PCDHGA10: variants seen among roughly 807,000 people sequenced by gnomAD.
PCDHGA10 encodes the protein protocadherin gamma subfamily A, 10.
Under a neutral mutation model 59.5 loss-of-function variants are expected in PCDHGA10, and 42 were observed. That is an observed-to-expected ratio of 0.71 (90% CI 0.55 to 0.91). PCDHGA10 has a LOEUF of 0.91. PCDHGA10 is among the 40% of genes least tolerant of loss of function. The pLI, the probability that PCDHGA10 is intolerant of heterozygous loss-of-function variation, is 0.00. For missense variants in PCDHGA10, 1,111 were observed against 1,198.2 expected, an observed-to-expected ratio of 0.93 and a Z score of 1.07; for synonymous variants, 511 against 517.2, an observed-to-expected ratio of 0.99 and a Z score of 0.16.
At position 141,491,267 on chromosome 5, in the gene PCDHGA10, A is replaced by C. The variant is rs1376540913; in HGVS notation, c.2437-3540A>C. ...GATGAGGACCCTGAGGAAATGCCCA[A>C]ATCCAGTGACTTCCTCATACACCCT... On this transcript the variant is annotated intron_variant, in intron 1 of 3. Coordinates refer to ENST00000398610, the MANE Select transcript of PCDHGA10 (RefSeq NM_018913.3). This position sits in a 1 kb window ranked among gnomAD's most constrained non-coding sequence, Gnocchi z 6.9. The C allele has an allele frequency of 2.5e-6, 4 of 1,613,944 alleles. No individual in the cohort carries two copies. The highest frequency in any genetic ancestry group is 3.4e-6 in the Non-Finnish European group (4 of 1,179,936).
At chr5:141,428,147 G>A (rs771536400) in intron 1 of PCDHGA10, 2 of 1,589,610 alleles carry the variant, frequency 1.3e-6, no homozygotes, top group Admixed American at 1.7e-5. Context: ...GGCTGCACAC[G>A]GGAACCTGCT....
chr5:141,460,624 T>TA (rs1464862917), intron 1 of PCDHGA10, among the ~76,000 whole-genome samples: 2 of 152,128 alleles, frequency 1.3e-5, no homozygotes, highest in African/African-American at 4.8e-5. Context: ...GATAGACAGA[T>TA]ACAGATATAT....
At chr5:141,456,635 A>G (rs558958846) in intron 1 of PCDHGA10, among the ~76,000 whole-genome samples, 17 of 152,194 alleles carry the variant, frequency 1.1e-4, no homozygotes, top group Non-Finnish European at 2.2e-4. Context: ...CTTCTTTACT[A>G]CAGGTGTTAA....
At position 141,476,311 on chromosome 5, in the gene PCDHGA10, G is replaced by C. The variant is rs772962568; in HGVS notation, c.2437-18496G>C. ...ATCTCGGTAGCCTCTCAGCCCGCAGGTTCCGGGTGGTGTCTGGAGCTAGCC... is the reference window on the plus strand; with the variant it reads ...ATCTCGGTAGCCTCTCAGCCCGCAGCTTCCGGGTGGTGTCTGGAGCTAGCC... On this transcript the variant is annotated intron_variant, in intron 1 of 3. Transcript: ENST00000398610. The surrounding 1 kb of genome is among the most constrained non-coding windows in gnomAD (Gnocchi z 7.6). 18 of 1,613,680 alleles carry C rather than the reference G, an allele frequency of 1.1e-5. No homozygotes were observed. Among genetic ancestry groups the C allele is most frequent in the African/African-American group, 2.7e-5 (2 of 74,766 alleles).
chr5:141,470,748 A>C (rs1163686396), intron 1 of PCDHGA10, among the ~76,000 whole-genome samples: 1 of 152,106 alleles, frequency 6.6e-6, no homozygotes. Flanking sequence ...CCCTGGCTGG[A>C]GTGCAGTGGA....
At chr5:141,478,050 C>G (rs2099429383) in intron 1 of PCDHGA10, 2 of 1,614,184 alleles carry the variant, frequency 1.2e-6, no homozygotes, top group South Asian at 2.2e-5. Context: ...CAGACTCTCA[C>G]GGTCTTGATC....
chr5:141,489,837 G>A lies in PCDHGA10; in HGVS notation c.2437-4970G>A. 6.2e-7 allele frequency: 1 copy of A among 1,614,204 alleles called. No individual in the cohort carries two copies. ...TCCCAGAGCTGGTGCTAGAGCAGCAGCTGGATCGTGAAGCCCAGGCAAGAC... is the reference window on the plus strand; with the variant it reads ...TCCCAGAGCTGGTGCTAGAGCAGCAACTGGATCGTGAAGCCCAGGCAAGAC... On this transcript the variant is annotated intron_variant, in intron 1 of 3. Transcript: ENST00000398610. This position sits in a 1 kb window ranked among gnomAD's most constrained non-coding sequence, Gnocchi z 4.5.
chr5:141,467,554 T>A (rs2099145880), intron 1 of PCDHGA10, among the ~76,000 whole-genome samples: 1 of 152,238 alleles, frequency 6.6e-6, no homozygotes. Flanking sequence ...TATATCTTTT[T>A]TCCCAAATGG....
Position 141,438,591 on chromosome 5 carries a change from C to CAT in PCDHGA10, c.2436+23024_2436+23025dup, listed in dbSNP as rs946798767. On this transcript the variant is annotated intron_variant, in intron 1 of 3. Coordinates refer to ENST00000398610, the MANE Select transcript of PCDHGA10 (RefSeq NM_018913.3). ...TCTGATATACATACATACATACATA[C>CAT]ATATATATATATATATATATATATA... Among the ~76,000 whole-genome samples the CAT allele has an allele frequency of 6.3e-3, 476 of 75,268 alleles. 1 individual carries two copies. The highest frequency in any genetic ancestry group is 9.5e-3 in the Non-Finnish European group (352 of 37,106). 49.4% of individuals were successfully genotyped at this position (75,268 alleles called of 152,430 possible). A position where few individuals can be genotyped will look rare whatever the true frequency, so the allele number is the denominator to read the frequency against.
intron 1 of PCDHGA10, chr5:141,421,286 T>G: frequency 6.2e-7 from 1 of 1,613,284 alleles, no homozygotes; most frequent in Non-Finnish European, 8.5e-7. Flanking sequence ...CTGTGCATTT[T>G]CCTGGGGACG....
chr5:141,497,217 G>A (rs1046945884), intron 2 of PCDHGA10, among the ~76,000 whole-genome samples: 1 of 152,066 alleles, frequency 6.6e-6, no homozygotes, highest in African/African-American at 2.4e-5. Flanking sequence ...AATGGGGGGG[G>A]GAAGATCAGA....
At chr5:141,449,588 CA>C (rs768743917) in intron 1 of PCDHGA10, among the ~76,000 whole-genome samples, 1,277 of 57,494 alleles carry the variant, frequency 0.022, 7 homozygotes, top group Middle Eastern at 0.041. Flanking sequence ...GACTCTGTCT[CA>C]AAAAAAAAAA....
Position 141,486,676 on chromosome 5 carries a change from T to A in PCDHGA10, c.2437-8131T>A, listed in dbSNP as rs375080564. On this transcript the variant is annotated intron_variant, in intron 1 of 3. Coordinates refer to ENST00000398610, the MANE Select transcript of PCDHGA10 (RefSeq NM_018913.3). This position sits in a 1 kb window ranked among gnomAD's most constrained non-coding sequence, Gnocchi z 5.0. ...CACTCCTGGAGCCCAGGAATCGAGA[T>A]GTATCAGCTTCCTCTTTCATCTCTC... 3 of 1,614,002 alleles carry A rather than the reference T, an allele frequency of 1.9e-6. No homozygotes were observed. The highest frequency in any genetic ancestry group is 2.5e-6 in the Non-Finnish European group (3 of 1,180,036).
intron 1 of PCDHGA10, among the ~76,000 whole-genome samples, chr5:141,435,833 A>G (rs1354866725): frequency 6.6e-6 from 1 of 152,112 alleles, no homozygotes; most frequent in Non-Finnish European, 1.5e-5. Flanking sequence ...TTTGCTGCCT[A>G]TCTACTTTGA....
intron 1 of PCDHGA10, among the ~76,000 whole-genome samples, chr5:141,461,756 C>T (rs887460069): frequency 6.6e-6 from 1 of 151,832 alleles, no homozygotes; most frequent in Non-Finnish European, 1.5e-5. Flanking sequence ...CAGATTCAAG[C>T]GATTCTCCTG....
Position 141,491,623 on chromosome 5 carries a change from G to T in PCDHGA10, c.2437-3184G>T. 1 of 1,613,930 alleles carries T rather than the reference G, an allele frequency of 6.2e-7. No homozygotes were observed. The highest frequency in any genetic ancestry group is 1.1e-5 in the South Asian group (1 of 91,084). On this transcript the variant is annotated intron_variant, in intron 1 of 3. Transcript: ENST00000398610. This position sits in a 1 kb window ranked among gnomAD's most constrained non-coding sequence, Gnocchi z 6.9. ...CTTCACTTTTCTAAGACCCCTCAGC[G>T]TTCAGCAGCCCACAGCTCTGGCGCT...
At chr5:141,428,010 G>A in intron 1 of PCDHGA10, 1 of 1,603,006 alleles carries the variant, frequency 6.2e-7, no homozygotes, top group Non-Finnish European at 8.5e-7. Flanking sequence ...CTTCGATATA[G>A]TGCCACGCGC....
At chr5:141,419,770 G>C in intron 1 of PCDHGA10, 1 of 1,614,006 alleles carries the variant, frequency 6.2e-7, no homozygotes, top group Non-Finnish European at 8.5e-7. Context: ...ACAAGGACTC[G>C]GTCCGCCAGC....
intron 1 of PCDHGA10, among the ~76,000 whole-genome samples, chr5:141,455,749 C>A (rs2098830563): frequency 6.6e-6 from 1 of 152,086 alleles, no homozygotes; most frequent in Non-Finnish European, 1.5e-5. Context: ...AGGTTGCTGG[C>A]CTGGCTCCTA....
Sources: gnomAD v4.1 joint callset for allele counts (sites outside exome capture counted in the v4.1 genomes callset) on GRCh38, gnomAD v4.1.1 for gene constraint, Gnocchi (gnomAD v3.1) non-coding constraint, MANE v1.5 for transcripts, NCBI Gene and HGNC (gene_info 2026-07-23, HGNC 2026-07-21) for gene names.